Variants in MMP16 observed in about 807,000 individuals in gnomAD.
MMP16 encodes the protein matrix metalloproteinase-16.
MMP16 carries 12 observed loss-of-function variants against 67.8 expected under a neutral mutation model. The ratio of observed to expected loss-of-function variants is 0.18; its 90% CI spans 0.11 to 0.29. MMP16 has a LOEUF of 0.29. Among genes scored for constraint, MMP16 ranks in the 10% least tolerant of loss-of-function variants. MMP16 has a pLI of 1.00. For synonymous variants in MMP16, 249 were observed against 255.9 expected (o/e 0.97, Z 0.26); for missense variants, 475 against 765.7 (o/e 0.62, Z 4.48).
At position 88,054,374 on chromosome 8, in the gene MMP16, A is replaced by G. The variant is rs533066718; in HGVS notation, c.1373+1754T>C. ...CAATTAAAATCAGCTGGTGAATTTA[A>G]CAACCTTAAGAGTTATACCATTTTA... On this transcript the variant is annotated intron_variant, in intron 8 of 9. Coordinates refer to ENST00000286614, the MANE Select transcript of MMP16 (RefSeq NM_005941.5). Among the ~76,000 whole-genome samples the G allele has an allele frequency of 1.4e-3, 208 of 152,294 alleles. 2 individuals carry two copies. Among genetic ancestry groups the G allele is most frequent in the African/African-American group, 4.6e-3 (190 of 41,572 alleles).
intron 7 of MMP16, among the ~76,000 whole-genome samples, chr8:88,060,598 G>C (rs947560634): frequency 6.6e-6 from 1 of 151,976 alleles, no homozygotes; most frequent in Non-Finnish European, 1.5e-5. Flanking sequence ...AGCTTAGCAC[G>C]ATTTCTCTGA....
At chr8:88,315,877 G>T (rs1243756147) in intron 1 of MMP16, among the ~76,000 whole-genome samples, 1 of 152,186 alleles carries the variant, frequency 6.6e-6, no homozygotes, top group Non-Finnish European at 1.5e-5. Flanking sequence ...TAGCCAAGTT[G>T]TAAATGCAAG....
intron 1 of MMP16, among the ~76,000 whole-genome samples, chr8:88,256,259 T>C (rs759109780): frequency 1.2e-4 from 18 of 152,180 alleles, no homozygotes; most frequent in Non-Finnish European, 2.5e-4. Context: ...TTTGTATTTG[T>C]AAAAATAATT....
chr8:88,317,648 G>A (rs1327086727), intron 1 of MMP16, among the ~76,000 whole-genome samples: 3 of 152,186 alleles, frequency 2.0e-5, no homozygotes, highest in African/African-American at 7.2e-5. Flanking sequence ...AGTAGCCAAA[G>A]GAATATTTAA....
chr8:88,140,597 G>T (rs1255079410), intron 4 of MMP16, among the ~76,000 whole-genome samples: 1 of 152,040 alleles, frequency 6.6e-6, no homozygotes, highest in African/African-American at 2.4e-5. Flanking sequence ...AATTAATCTG[G>T]TTCCTGCTGT....
chr8:88,307,134 G>A (rs1811222705), intron 1 of MMP16, among the ~76,000 whole-genome samples: 1 of 152,062 alleles, frequency 6.6e-6, no homozygotes. Flanking sequence ...ATGCCAACAG[G>A]CAAGCAGAGA....
chr8:88,137,413 CT>C, intron 4 of MMP16, among the ~76,000 whole-genome samples: 1 of 152,102 alleles, frequency 6.6e-6, no homozygotes, highest in Non-Finnish European at 1.5e-5. Context: ...ATATCACTGT[CT>C]TTTAACTTTC....
At chr8:88,060,930 G>A (rs780087241) in intron 7 of MMP16, among the ~76,000 whole-genome samples, 5 of 151,894 alleles carry the variant, frequency 3.3e-5, no homozygotes, top group Non-Finnish European at 7.4e-5. Context: ...TAACATTGAG[G>A]GCATTAGTTT....
At chr8:88,153,889 C>T (rs376000172) in intron 4 of MMP16, among the ~76,000 whole-genome samples, 6 of 151,688 alleles carry the variant, frequency 4.0e-5, no homozygotes, top group South Asian at 2.1e-4. Context: ...ACTAAAGAGC[C>T]TCTGCACAGC....
chr8:88,066,112 G>A (rs1483077960), intron 7 of MMP16, among the ~76,000 whole-genome samples: 2 of 152,064 alleles, frequency 1.3e-5, no homozygotes, highest in Non-Finnish European at 2.9e-5. Context: ...CAACCTTTCA[G>A]CTACTTGATT....
intron 1 of MMP16, among the ~76,000 whole-genome samples, chr8:88,221,274 T>C (rs1450808112): frequency 2.6e-5 from 4 of 152,100 alleles, no homozygotes; most frequent in Admixed American, 6.6e-5. Context: ...AAATGTCAAA[T>C]GCCAAAAGAA....
At chr8:88,097,905 A>C (rs1809057366) in intron 6 of MMP16, among the ~76,000 whole-genome samples, 1 of 151,914 alleles carries the variant, frequency 6.6e-6, no homozygotes, top group South Asian at 2.1e-4. Flanking sequence ...GGAGTTAGAC[A>C]AACTGTGAGC....
chr8:88,090,086 A>C (rs946340507), intron 6 of MMP16, among the ~76,000 whole-genome samples: 2 of 152,008 alleles, frequency 1.3e-5, no homozygotes, highest in African/African-American at 2.4e-5. Flanking sequence ...TTAGTTGAGC[A>C]AATTAATTTT....
intron 2 of MMP16, among the ~76,000 whole-genome samples, chr8:88,191,847 G>T (rs75045758): frequency 0.034 from 5,115 of 152,274 alleles, 274 homozygotes; most frequent in African/African-American, 0.12. Flanking sequence ...GCTGCAGGAA[G>T]GCCGTGCTTC....
chr8:88,149,522 G>A (rs921924022), intron 4 of MMP16, among the ~76,000 whole-genome samples: 1 of 152,152 alleles, frequency 6.6e-6, no homozygotes, highest in Admixed American at 6.6e-5. Flanking sequence ...CTGAGAACGG[G>A]GGGACTGCCT....
chr8:88,165,306 G>C (rs184758733), intron 4 of MMP16, among the ~76,000 whole-genome samples: 76 of 151,626 alleles, frequency 5.0e-4, no homozygotes, highest in Admixed American at 4.5e-3. Flanking sequence ...GAATTTGATA[G>C]ACATTTCTTT....
At chr8:88,169,369 T>G (rs1281262428) in intron 3 of MMP16, among the ~76,000 whole-genome samples, 1 of 152,162 alleles carries the variant, frequency 6.6e-6, no homozygotes, top group Non-Finnish European at 1.5e-5. Context: ...GCACTTCACA[T>G]TATCTTATTT....
At chr8:88,158,497 C>T (rs1808554372) in intron 4 of MMP16, among the ~76,000 whole-genome samples, 1 of 152,160 alleles carries the variant, frequency 6.6e-6, no homozygotes, top group Non-Finnish European at 1.5e-5. Flanking sequence ...ATATCCTTTG[C>T]CCACTTTTTG....
chr8:88,296,944 TAA>T (rs938360069), intron 1 of MMP16, among the ~76,000 whole-genome samples: 1 of 151,058 alleles, frequency 6.6e-6, no homozygotes, highest in Non-Finnish European at 1.5e-5. Flanking sequence ...AATTAAATAA[TAA>T]AAAAAAGCAA....
Sources: gnomAD v4.1 joint callset for allele counts (sites outside exome capture counted in the v4.1 genomes callset) on GRCh38, gnomAD v4.1.1 for gene constraint, MANE v1.5 for transcripts, NCBI Gene and HGNC (gene_info 2026-07-23, HGNC 2026-07-21) for gene names.